SLC18A1: variants seen among roughly 807,000 people sequenced by gnomAD.
SLC18A1 encodes chromaffin granule amine transporter.
A neutral mutation model predicts 53.7 loss-of-function variants in SLC18A1; 69 were observed. The observed-to-expected ratio is 1.28, with a 90% CI of 1.06 to 1.57. The LOEUF (loss-of-function observed/expected upper bound fraction) is 1.57. SLC18A1 is among the 40% of genes most tolerant of loss of function. The pLI is 0.00. For missense variants in SLC18A1, 932 were observed against 668.1 expected (o/e 1.40, Z -4.35); for synonymous variants, 320 against 248.1 (o/e 1.29, Z -2.72).
chr8:20,163,036 G>A (rs908426956), intron 10 of SLC18A1, among the ~76,000 whole-genome samples: 1 of 152,174 alleles, frequency 6.6e-6, no homozygotes, highest in African/African-American at 2.4e-5. Context: ...CAGAGTGCAT[G>A]ATTTATCAAT....
At chr8:20,171,063 C>G (rs1476005615) in intron 8 of SLC18A1, 40 bp downstream of exon 8, 1 of 1,604,090 alleles carries the variant, frequency 6.2e-7, no homozygotes, top group East Asian at 2.2e-5. Flanking sequence ...ATTCAGCCAT[C>G]CTGTATAACT....
intron 10 of SLC18A1, among the ~76,000 whole-genome samples, chr8:20,164,474 A>T (rs891899888): frequency 2.6e-5 from 4 of 152,172 alleles, no homozygotes; most frequent in Non-Finnish European, 4.4e-5. Flanking sequence ...TCATTTATTC[A>T]TCCAATTTCT....
At chr8:20,153,259 G>C (rs2071604060) in intron 10 of SLC18A1, among the ~76,000 whole-genome samples, 1 of 152,114 alleles carries the variant, frequency 6.6e-6, no homozygotes, top group South Asian at 2.1e-4. Flanking sequence ...TTACAGACAA[G>C]GAGTAGGCAA....
intron 10 of SLC18A1, among the ~76,000 whole-genome samples, chr8:20,152,328 C>G (rs1177751609): frequency 1.3e-5 from 2 of 152,100 alleles, no homozygotes; most frequent in East Asian, 3.9e-4. Flanking sequence ...TTTATATTTT[C>G]TAAAATCCCC....
At chr8:20,182,712 C>G (rs2128881874) in intron 1 of SLC18A1, among the ~76,000 whole-genome samples, 2 of 152,298 alleles carry the variant, frequency 1.3e-5, no homozygotes, top group East Asian at 1.9e-4. Flanking sequence ...TTAACGTGAC[C>G]AAGGTCCTAA....
At chr8:20,161,566 G>T (rs1375799927) in intron 10 of SLC18A1, among the ~76,000 whole-genome samples, 1 of 152,092 alleles carries the variant, frequency 6.6e-6, no homozygotes, top group African/African-American at 2.4e-5. Flanking sequence ...TATCCGTGAG[G>T]AGTCCTAGAA....
chr8:20,168,998 C>T (rs1322145038), intron 8 of SLC18A1, among the ~76,000 whole-genome samples: 1 of 152,104 alleles, frequency 6.6e-6, no homozygotes, highest in Non-Finnish European at 1.5e-5. Context: ...ATTTATATGA[C>T]TTTACAACAT....
intron 10 of SLC18A1, among the ~76,000 whole-genome samples, chr8:20,157,607 G>A (rs1260061357): frequency 1.3e-5 from 2 of 152,204 alleles, no homozygotes; most frequent in Non-Finnish European, 2.9e-5. Flanking sequence ...CATTGAGGAA[G>A]CATACCTCTC....
intron 10 of SLC18A1, among the ~76,000 whole-genome samples, chr8:20,159,259 C>T (rs543409262): frequency 6.6e-6 from 1 of 152,210 alleles, no homozygotes; most frequent in African/African-American, 2.4e-5. Flanking sequence ...CGGTCATCAG[C>T]CAACCTCCCC....
chr8:20,176,403 C>A (rs1400991085), intron 4 of SLC18A1, among the ~76,000 whole-genome samples: 5 of 152,200 alleles, frequency 3.3e-5, no homozygotes, highest in African/African-American at 4.8e-5. Flanking sequence ...CATGAGCCAA[C>A]AAACCTCTTT....
At chr8:20,152,013 G>T (rs1311142521) in intron 10 of SLC18A1, among the ~76,000 whole-genome samples, 1 of 152,220 alleles carries the variant, frequency 6.6e-6, no homozygotes, top group Non-Finnish European at 1.5e-5. Flanking sequence ...TTAATGTGGT[G>T]ATATAGCAGA....
chr8:20,174,087 G>C (rs142880863), intron 5 of SLC18A1, among the ~76,000 whole-genome samples: 1 of 151,494 alleles, frequency 6.6e-6, no homozygotes, highest in Non-Finnish European at 1.5e-5. Context: ...TTTTTTAATA[G>C]AAATAGGGCT....
rs777842059 is a variant in SLC18A1, at chr8:20,145,748, G to A, written c.*15C>T. ...GTCACTGAGGCATCATGAATTCAAG[G>A]AGCACCTTCTGCTGCTACTCCTCAT... On this transcript the variant is annotated 3_prime_UTR_variant, in exon 16 of 16. Coordinates refer to ENST00000276373, the MANE Select transcript of SLC18A1 (RefSeq NM_003053.4). 6.5e-7 allele frequency: 1 copy of A among 1,539,688 alleles called. No homozygotes were observed. Among genetic ancestry groups the A allele is most frequent in the Non-Finnish European group, 8.9e-7 (1 of 1,118,600 alleles).
Position 20,149,669 on chromosome 8 carries a change from T to A in SLC18A1, c.1146+7A>T. ...CCTTCCCCTCCCCCAGGTCTTCTTA[T>A]ACTTACACAGAGCAAGCTGGTACCT... On this transcript the variant is annotated splice_region_variant and intron_variant, in intron 12 of 15. Coordinates refer to ENST00000276373, the MANE Select transcript of SLC18A1 (RefSeq NM_003053.4). The A allele has an allele frequency of 6.2e-7, 1 of 1,611,990 alleles. No individual in the cohort carries two copies. Among genetic ancestry groups the A allele is most frequent in the Non-Finnish European group, 8.5e-7 (1 of 1,178,686 alleles).
At chr8:20,171,383 G>T in intron 7 of SLC18A1, 22 bp downstream of exon 7, 2 of 1,601,192 alleles carry the variant, frequency 1.2e-6, no homozygotes, top group Non-Finnish European at 1.7e-6. Context: ...GTCACCTGCT[G>T]GAGGCTCTGA....
At position 20,145,711 on chromosome 8, in the gene SLC18A1, G is replaced by T. The variant is rs2071377339; in HGVS notation, c.*52C>A. 1.7e-6 allele frequency: 2 copies of T among 1,204,784 alleles called. No individual in the cohort carries two copies. Among genetic ancestry groups the T allele is most frequent in the South Asian group, 1.4e-5 (1 of 73,384 alleles). 74.6% of individuals were successfully genotyped at this position (1,204,784 alleles called of 1,614,324 possible). ...GCTCAGCCATGGTGATCTGGTCCCA[G>T]GGAAAGAGGTGGTCACTGAGGCATC... On this transcript the variant is annotated 3_prime_UTR_variant, in exon 16 of 16. Transcript: ENST00000276373.
At chr8:20,160,989 C>T (rs1434456665) in intron 10 of SLC18A1, among the ~76,000 whole-genome samples, 1 of 152,196 alleles carries the variant, frequency 6.6e-6, no homozygotes, top group Non-Finnish European at 1.5e-5. Context: ...ACTTTATCAC[C>T]TACTAAAGGT....
Position 20,148,090 on chromosome 8 carries a change from G to A in SLC18A1, c.1147-20C>T. 6.2e-7 allele frequency: 1 copy of A among 1,612,774 alleles called. No homozygotes were observed. The highest frequency in any genetic ancestry group is 2.2e-5 in the East Asian group (1 of 44,864). On this transcript the variant is annotated intron_variant, in intron 12 of 15. Coordinates refer to ENST00000276373, the MANE Select transcript of SLC18A1 (RefSeq NM_003053.4). ...AGGAACCTGCATGGGGAAGGAGGAAGAGTCATCAGGACTCCAGATGGGTCA... is the reference window on the plus strand; with the variant it reads ...AGGAACCTGCATGGGGAAGGAGGAAAAGTCATCAGGACTCCAGATGGGTCA...
chr8:20,166,093 C>A lies in SLC18A1; in HGVS notation c.859-986G>T, dbSNP rs34380936. Reference sequence around the variant, plus strand: ...TATACATTTAAAAGTACAATAAACCCTTTGACCCAACAGTCCCACTTCTAG... The same window carrying A: ...TATACATTTAAAAGTACAATAAACCATTTGACCCAACAGTCCCACTTCTAG... On this transcript the variant is annotated intron_variant, in intron 8 of 15. Coordinates refer to ENST00000276373, the MANE Select transcript of SLC18A1 (RefSeq NM_003053.4). Among the ~76,000 whole-genome samples the A allele has an allele frequency of 6.4e-4, 97 of 151,682 alleles. 1 individual carries two copies. Among genetic ancestry groups the A allele is most frequent in the Non-Finnish European group, 1.1e-3 (78 of 67,916 alleles).
Sources: allele counts gnomAD v4.1 joint callset (sites outside exome capture counted in the v4.1 genomes callset), GRCh38; gene constraint gnomAD v4.1.1; transcripts MANE v1.5; gene names NCBI Gene and HGNC (gene_info 2026-07-23, HGNC 2026-07-21).